Variants in APP observed in about 807,000 individuals in gnomAD.
APP encodes amyloid beta precursor protein.
A neutral mutation model predicts 101.4 loss-of-function variants in APP; 31 were observed. The observed-to-expected ratio is 0.31, with a 90% CI of 0.23 to 0.41. The LOEUF (loss-of-function observed/expected upper bound fraction) is 0.41, where lower values mean the gene tolerates loss of function less well. Ranked by LOEUF, APP falls within the 10% of genes least tolerant of loss-of-function variation. The pLI is 1.00. For missense variants in APP, 839 were observed against 1,003.7 expected, an observed-to-expected ratio of 0.84 and a Z score of 2.22; for synonymous variants, 366 against 364.4, an observed-to-expected ratio of 1.00 and a Z score of -0.05.
At chr21:25,901,893 A>G (rs191957576) in intron 15 of APP, among the ~76,000 whole-genome samples, 9 of 152,334 alleles carry the variant, frequency 5.9e-5, no homozygotes, top group Admixed American at 5.9e-4. Context: ...GAATTGTAAC[A>G]GAAAGGGTAG....
intron 11 of APP, among the ~76,000 whole-genome samples, chr21:25,969,135 C>G (rs1219914512): frequency 6.6e-6 from 1 of 151,436 alleles, no homozygotes; most frequent in Non-Finnish European, 1.5e-5. Flanking sequence ...GTCAGGAGAT[C>G]CAGACCAACC....
At chr21:26,032,807 TA>T (rs1880171372) in intron 5 of APP, among the ~76,000 whole-genome samples, 2 of 85,896 alleles carry the variant, frequency 2.3e-5, no homozygotes, top group South Asian at 9.5e-4. Context: ...AAAAAAAAAA[TA>T]TATATATATA....
At chr21:25,988,272 T>C (rs1271407917) in intron 8 of APP, among the ~76,000 whole-genome samples, 2 of 152,148 alleles carry the variant, frequency 1.3e-5, no homozygotes, top group Admixed American at 6.5e-5. Flanking sequence ...GGGGACATCA[T>C]GTACAGCCTT....
chr21:26,158,599 G>A (rs949349747), intron 1 of APP, among the ~76,000 whole-genome samples: 6 of 152,108 alleles, frequency 3.9e-5, no homozygotes, highest in Admixed American at 6.5e-5. Context: ...GAATATCAAT[G>A]CCTCGTCCCC....
chr21:26,092,408 C>T (rs1568964198), intron 2 of APP, among the ~76,000 whole-genome samples: 1 of 152,212 alleles, frequency 6.6e-6, no homozygotes, highest in Non-Finnish European at 1.5e-5. Context: ...GTGAAAGAAG[C>T]CCATCTGAAT....
At chr21:26,124,424 A>G (rs2062639619) in intron 1 of APP, among the ~76,000 whole-genome samples, 1 of 152,232 alleles carries the variant, frequency 6.6e-6, no homozygotes, top group African/African-American at 2.4e-5. Context: ...AATAAATTTC[A>G]ATGTTAATTT....
chr21:25,900,979 C>G (rs2038423246), intron 15 of APP, among the ~76,000 whole-genome samples: 1 of 65,086 alleles, frequency 1.5e-5, no homozygotes, highest in Non-Finnish European at 2.8e-5. Context: ...CAGAGTGAGA[C>G]TCCATCTCAA....
At position 25,992,457 on chromosome 21, in the gene APP, A is replaced by G. The variant is rs550142109; in HGVS notation, c.1090+4903T>C. On this transcript the variant is annotated intron_variant, in intron 8 of 17. Coordinates refer to ENST00000346798, the MANE Select transcript of APP (RefSeq NM_000484.4). ...TAAGGTGTACATGAAACATAAATGAATTTCATGTTATTTCATCATGAATAC... is the reference window on the plus strand; with the variant it reads ...TAAGGTGTACATGAAACATAAATGAGTTTCATGTTATTTCATCATGAATAC... Among the ~76,000 whole-genome samples, 5 of 152,298 alleles carry G rather than the reference A, an allele frequency of 3.3e-5. No homozygotes were observed. The South Asian group carries it at 1.0e-3, about 32-fold the overall frequency.
intron 7 of APP, among the ~76,000 whole-genome samples, chr21:25,998,207 C>T (rs1235211110): frequency 6.6e-6 from 1 of 152,012 alleles, no homozygotes; most frequent in Admixed American, 6.5e-5. Flanking sequence ...GCAAATCTGC[C>T]AGGAAACCTC....
chr21:26,169,892 G>C (rs984583405), intron 1 of APP, among the ~76,000 whole-genome samples: 16 of 152,360 alleles, frequency 1.1e-4, no homozygotes, highest in African/African-American at 3.4e-4. Context: ...ACAAAAGGGA[G>C]ACGCGGACAT....
intron 3 of APP, among the ~76,000 whole-genome samples, chr21:26,061,883 G>A (rs932672627): frequency 6.6e-6 from 1 of 152,078 alleles, no homozygotes; most frequent in Non-Finnish European, 1.5e-5. Flanking sequence ...CCTCACATAC[G>A]TACCATATAC....
chr21:25,967,018 C>A (rs1304192714), intron 11 of APP, among the ~76,000 whole-genome samples: 1 of 152,150 alleles, frequency 6.6e-6, no homozygotes, highest in Non-Finnish European at 1.5e-5. Context: ...TACCAAATAG[C>A]CTTGAGCAAA....
In APP at chr21:26,170,672, G is replaced by T; in HGVS notation, c.-52C>A. 6.6e-7 allele frequency: 1 copy of T among 1,507,080 alleles called. No homozygotes were observed. The highest frequency in any genetic ancestry group is 8.8e-7 in the Non-Finnish European group (1 of 1,132,436). The allele number at this position is 1,507,080 out of a possible 1,614,324, so 93.4% of individuals were successfully genotyped here. A position where few individuals can be genotyped will look rare whatever the true frequency, so the allele number is the denominator to read the frequency against. On this transcript the variant is annotated 5_prime_UTR_variant, in exon 1 of 18. Transcript: ENST00000346798. ...CGCTGCTGTGCGAGTGGGATCCGCCGCGTCCTTGCTCTGCCCGCGCCGCCA... is the reference window on the plus strand; with the variant it reads ...CGCTGCTGTGCGAGTGGGATCCGCCTCGTCCTTGCTCTGCCCGCGCCGCCA...
intron 13 of APP, chr21:25,943,067 A>G (rs970246512): frequency 6.6e-6 from 1 of 152,158 alleles, no homozygotes; most frequent in Non-Finnish European, 1.5e-5. Context: ...ACTTTACAAA[A>G]TTTGCATGTC....
At chr21:25,966,714 T>C (rs2041810457) in intron 11 of APP, among the ~76,000 whole-genome samples, 1 of 152,214 alleles carries the variant, frequency 6.6e-6, no homozygotes, top group Non-Finnish European at 1.5e-5. Flanking sequence ...TGGGTAGAAA[T>C]AATTGGTTTG....
intron 1 of APP, among the ~76,000 whole-genome samples, chr21:26,138,694 G>GAAAAC (rs151222318): frequency 0.1 from 15,026 of 150,230 alleles, 1,316 homozygotes; most frequent in African/African-American, 0.24. Flanking sequence ...GCCTGTCTCA[G>GAAAAC]AAAACAAAAC....
intron 3 of APP, among the ~76,000 whole-genome samples, chr21:26,055,462 G>A (rs2046003323): frequency 2.0e-5 from 3 of 152,148 alleles, no homozygotes; most frequent in Non-Finnish European, 4.4e-5. Context: ...AAGACCTGGA[G>A]AATGGAAAGT....
chr21:26,105,067 T>TAAAA (rs2062150622), intron 2 of APP, among the ~76,000 whole-genome samples: 1 of 76,816 alleles, frequency 1.3e-5, no homozygotes, highest in African/African-American at 5.2e-5. Context: ...CGCATTTTTT[T>TAAAA]CAAAAAAAAA....
chr21:26,153,357 A>C (rs1183680738), intron 1 of APP, among the ~76,000 whole-genome samples: 1 of 152,248 alleles, frequency 6.6e-6, no homozygotes, highest in Non-Finnish European at 1.5e-5. Context: ...ATATTTACTA[A>C]GAAAAACAAC....
Sources: allele counts gnomAD v4.1 joint callset (sites outside exome capture counted in the v4.1 genomes callset), GRCh38; gene constraint gnomAD v4.1.1; transcripts MANE v1.5; gene names NCBI Gene and HGNC (gene_info 2026-07-23, HGNC 2026-07-21).